RBM39: variants seen among roughly 807,000 people sequenced by gnomAD.
The protein encoded by RBM39 is RNA binding motif protein 39.
RBM39 carries 12 observed loss-of-function variants against 79.6 expected under a neutral mutation model. The ratio of observed to expected loss-of-function variants is 0.15; its 90% confidence interval spans 0.10 to 0.24. RBM39 has a LOEUF of 0.24. RBM39 is among the 10% of genes least tolerant of loss of function. The pLI, the probability that RBM39 is intolerant of heterozygous loss-of-function variation, is 1.00. For missense variants in RBM39, 243 were observed against 653.4 expected (o/e 0.37, Z 6.85); for synonymous variants, 185 against 208.4 (o/e 0.89, Z 0.97).
intron 8 of RBM39, among the ~76,000 whole-genome samples, chr20:35,723,622 G>A (rs2146617979): frequency 6.6e-6 from 1 of 152,208 alleles, no homozygotes; most frequent in Non-Finnish European, 1.5e-5. Context: ...CATTTTAGTA[G>A]AGACAAGGTT....
chr20:35,720,456 C>G (rs151005097), intron 9 of RBM39, among the ~76,000 whole-genome samples: 2 of 152,176 alleles, frequency 1.3e-5, no homozygotes, highest in Admixed American at 1.3e-4. Flanking sequence ...TCAACCTCCA[C>G]CTAAGATCCA....
chr20:35,727,066 T>C (rs988418339), intron 6 of RBM39, among the ~76,000 whole-genome samples: 2 of 152,022 alleles, frequency 1.3e-5, no homozygotes, highest in Non-Finnish European at 2.9e-5. Context: ...ACCTTATTGT[T>C]ACAGGCATGA....
chr20:35,709,476 C>G (rs1007699375), intron 12 of RBM39, among the ~76,000 whole-genome samples: 1 of 152,096 alleles, frequency 6.6e-6, no homozygotes, highest in African/African-American at 2.4e-5. Flanking sequence ...TTACTTTTCC[C>G]TCTCTCTTCC....
chr20:35,715,852 T>C (rs2037050615), intron 10 of RBM39, among the ~76,000 whole-genome samples: 1 of 152,078 alleles, frequency 6.6e-6, no homozygotes, highest in Admixed American at 6.6e-5. Context: ...GTCCTTGCTC[T>C]GTTACTTCAC....
In RBM39 at chr20:35,709,092, CTA is replaced by C. The variant is rs1600392116; in HGVS notation, c.1225+130_1225+131del. On this transcript the variant is annotated intron_variant, in intron 13 of 16. Transcript: ENST00000253363. ...CAGACAGATTACTATGAATATACCA[CTA>C]TGTGTCACTGTGTCAAAATTTGGTC... 1.0e-5 allele frequency: 7 copies of C among 677,044 alleles called. No homozygotes were observed. The East Asian group carries it at 1.7e-4, about 16-fold the overall frequency. 41.9% of individuals were successfully genotyped at this position (677,044 alleles called of 1,614,324 possible).
chr20:35,718,975 A>T (rs1000821301), intron 9 of RBM39, among the ~76,000 whole-genome samples: 2 of 152,188 alleles, frequency 1.3e-5, no homozygotes, highest in Non-Finnish European at 1.5e-5. Context: ...ACTCCAAAAA[A>T]AATAATAAAA....
intron 9 of RBM39, among the ~76,000 whole-genome samples, chr20:35,718,682 G>A (rs985230140): frequency 1.3e-5 from 2 of 151,880 alleles, no homozygotes; most frequent in Non-Finnish European, 2.9e-5. Context: ...GTGTGGTGCC[G>A]CATGCCTGTA....
chr20:35,723,208 C>G (rs1375954171), intron 8 of RBM39, among the ~76,000 whole-genome samples: 1 of 150,648 alleles, frequency 6.6e-6, no homozygotes, highest in Non-Finnish European at 1.5e-5. Flanking sequence ...CAGCTGTCAT[C>G]CCTCCATAAC....
intron 12 of RBM39, among the ~76,000 whole-genome samples, chr20:35,710,803 G>A (rs2036303781): frequency 6.6e-6 from 1 of 152,058 alleles, no homozygotes; most frequent in Non-Finnish European, 1.5e-5. Context: ...TAATGCAGAA[G>A]AAATTTATAG....
intron 8 of RBM39, among the ~76,000 whole-genome samples, chr20:35,722,432 AT>A (rs1290106862): frequency 1.0e-3 from 149 of 146,820 alleles, no homozygotes; most frequent in African/African-American, 3.7e-3. Context: ...AAAAAAAAAA[AT>A]AAAAATAAAA....
chr20:35,711,032 A>G (rs1568995352), intron 12 of RBM39, among the ~76,000 whole-genome samples: 1 of 152,204 alleles, frequency 6.6e-6, no homozygotes, highest in Non-Finnish European at 1.5e-5. Flanking sequence ...TAAAAGAAAT[A>G]AAGGCTAACG....
Position 35,705,370 on chromosome 20 carries a change from C to G in RBM39, c.1308-40G>C, listed in dbSNP as rs777626820. Reference sequence around the variant, plus strand: ...TAAGGACTCTTAAATACTATTGAAACTAACAAACTATATATTTACAAATGT... The same window carrying G: ...TAAGGACTCTTAAATACTATTGAAAGTAACAAACTATATATTTACAAATGT... On this transcript the variant is annotated intron_variant, in intron 14 of 16. Coordinates refer to ENST00000253363, the MANE Select transcript of RBM39 (RefSeq NM_184234.3). The G allele has an allele frequency of 6.7e-6, 7 of 1,049,108 alleles. No homozygotes were observed. In the South Asian group the frequency reaches 9.9e-5, roughly 15 times the overall value. 65.0% of individuals were successfully genotyped at this position (1,049,108 alleles called of 1,614,324 possible).
intron 9 of RBM39, 41 bp from the exon 10 acceptor site, chr20:35,716,846 G>A (rs2037191679): frequency 1.5e-6 from 2 of 1,345,250 alleles, no homozygotes; most frequent in Admixed American, 2.0e-5. Flanking sequence ...TAAAAGCAGA[G>A]TACAAAACTA....
intron 12 of RBM39, among the ~76,000 whole-genome samples, chr20:35,712,465 C>CG (rs1568999098): frequency 1.8e-5 from 1 of 56,148 alleles, no homozygotes; most frequent in East Asian, 6.8e-4. Flanking sequence ...AAAAAGGGGG[C>CG]GGGGGGTTGG....
chr20:35,708,464 T>TA (rs1487053963), intron 13 of RBM39, among the ~76,000 whole-genome samples: 2 of 152,118 alleles, frequency 1.3e-5, no homozygotes, highest in Non-Finnish European at 2.9e-5. Flanking sequence ...CAGAACACAG[T>TA]AAATCTAGGA....
At chr20:35,732,157 A>G (rs770559951) in intron 3 of RBM39, 22 bp from the exon 4 acceptor site, 2 of 1,611,998 alleles carry the variant, frequency 1.2e-6, no homozygotes, top group Non-Finnish European at 1.7e-6. Flanking sequence ...AAAACTCGCC[A>G]TTATCATGCT....
Position 35,721,896 on chromosome 20 carries a change from G to GTCACACAGAGATA in RBM39, c.688-32_688-20dup. 6.2e-7 allele frequency: 1 copy of GTCACACAGAGATA among 1,609,758 alleles called. No homozygotes were observed. Among genetic ancestry groups the GTCACACAGAGATA allele is most frequent in the South Asian group, 1.1e-5 (1 of 90,994 alleles). The stretch of plus-strand genomic sequence containing the variant: ...TTTCTGCCTAGAAGACAAAATACAC[G>GTCACACAGAGATA]TCACACAGAGATAACACACAGCAGT... On this transcript the variant is annotated intron_variant, in intron 8 of 16. Coordinates refer to ENST00000253363, the MANE Select transcript of RBM39 (RefSeq NM_184234.3).
At chr20:35,715,423 C>T (rs2036985807) in intron 10 of RBM39, among the ~76,000 whole-genome samples, 1 of 152,116 alleles carries the variant, frequency 6.6e-6, no homozygotes, top group Admixed American at 6.5e-5. Context: ...TGATCTACCG[C>T]TCTCAGCCTC....
chr20:35,720,031 C>T (rs938180484), intron 9 of RBM39: 3 of 241,780 alleles, frequency 1.2e-5, no homozygotes, highest in Non-Finnish European at 2.7e-5. Context: ...GATCCACTTG[C>T]CTCGGCCTCC....
Sources: allele counts gnomAD v4.1 joint callset (sites outside exome capture counted in the v4.1 genomes callset), GRCh38; gene constraint gnomAD v4.1.1; transcripts MANE v1.5; gene names NCBI Gene and HGNC (gene_info 2026-07-23, HGNC 2026-07-21).